The following SNTA1 variants were observed in gnomAD, a reference collection of about 807,000 sequenced individuals.
SNTA1 encodes syntrophin alpha 1, also known as alpha-1-syntrophin.
SNTA1 carries 31 observed loss-of-function variants against 47.1 expected under a neutral mutation model. The ratio of observed to expected loss-of-function variants is 0.66; its 90% CI spans 0.49 to 0.89. The LOEUF (loss-of-function observed/expected upper bound fraction) is 0.89. Ranked by LOEUF, SNTA1 falls within the 40% of genes least tolerant of loss-of-function variation. SNTA1 has a pLI of 0.00. For synonymous variants in SNTA1, 300 were observed against 313.6 expected, an observed-to-expected ratio of 0.96 and a Z score of 0.46; for missense variants, 575 against 693.0, an observed-to-expected ratio of 0.83 and a Z score of 1.91.
intron 3 of SNTA1, among the ~76,000 whole-genome samples, chr20:33,414,245 C>CAAAAAAAAAAAAAAAAAAA (rs56186098): frequency 7.9e-4 from 23 of 29,238 alleles, no homozygotes; most frequent in South Asian, 1.7e-3. Context: ...TCTCAAAAAC[C>CAAAAAAAAAAAAAAAAAAA]AAAAAAAAAA....
intron 3 of SNTA1, 53 bp downstream of exon 3, chr20:33,417,666 C>T (rs1989907815): frequency 3.8e-6 from 5 of 1,328,748 alleles, no homozygotes; most frequent in Non-Finnish European, 5.4e-6. Flanking sequence ...TTGGTCCCAC[C>T]ACCTGACGCC....
intron 5 of SNTA1, among the ~76,000 whole-genome samples, chr20:33,410,901 C>CTTG (rs1989724043): frequency 6.6e-6 from 1 of 152,178 alleles, no homozygotes; most frequent in Non-Finnish European, 1.5e-5. Flanking sequence ...GCTCAGTAAA[C>CTTG]TTTTGTTGCC....
chr20:33,443,262 G>A (rs1316392182), intron 1 of SNTA1, 49 bp downstream of exon 1: 2 of 1,418,082 alleles, frequency 1.4e-6, no homozygotes, highest in Non-Finnish European at 1.9e-6. Flanking sequence ...CTGCGCCCTC[G>A]GCTGCCCCCA....
chr20:33,439,100 A>G, intron 1 of SNTA1, 74 bp from the exon 2 acceptor site: 1 of 1,344,620 alleles, frequency 7.4e-7, no homozygotes, highest in Middle Eastern at 1.8e-4. Flanking sequence ...AGACACAATT[A>G]TTTCTGAAGG....
intron 2 of SNTA1, among the ~76,000 whole-genome samples, chr20:33,419,661 A>G (rs1989971412): frequency 6.6e-6 from 1 of 152,100 alleles, no homozygotes; most frequent in South Asian, 2.1e-4. Context: ...GCCAAAAACC[A>G]TCTCCCCTCT....
rs114492263 is a variant in SNTA1, at chr20:33,413,703, C to T, written c.702-921G>A. 7.5e-3 allele frequency among the ~76,000 whole-genome samples: 1,124 copies of T among 149,156 alleles called. 10 individuals carry two copies. The highest frequency in any genetic ancestry group is 0.026 in the African/African-American group (1,061 of 40,476). Reference sequence around the variant, plus strand: ...AGAACTTCGGGAGACTGAGCCAGGACGATGGCTTGAGCCCAGGAGTTCGAG... The same window carrying T: ...AGAACTTCGGGAGACTGAGCCAGGATGATGGCTTGAGCCCAGGAGTTCGAG... On this transcript the variant is annotated intron_variant, in intron 3 of 7. Transcript: ENST00000217381.
chr20:33,421,171 C>CAAA (rs779903198), intron 2 of SNTA1, among the ~76,000 whole-genome samples: 1 of 127,572 alleles, frequency 7.8e-6, no homozygotes. Flanking sequence ...TACCCTGTCT[C>CAAA]AAAAAAAAAA....
intron 2 of SNTA1, among the ~76,000 whole-genome samples, chr20:33,423,124 A>C (rs1017859560): frequency 1.3e-5 from 2 of 152,206 alleles, no homozygotes; most frequent in African/African-American, 4.8e-5. Context: ...TTGAAGCCAG[A>C]GAAACTGCCA....
chr20:33,418,475 C>A (rs1568751793), intron 2 of SNTA1, among the ~76,000 whole-genome samples: 1 of 151,972 alleles, frequency 6.6e-6, no homozygotes, highest in African/African-American at 2.4e-5. Flanking sequence ...AACTCCTAGA[C>A]AGTGTATACA....
Position 33,412,265 on chromosome 20 carries a change from G to A in SNTA1, c.1040+31C>T, listed in dbSNP as rs372924716. ...CTGGAGCATCTCCTGGCAAGTTCTG[G>A]GGGAGACATACTGCCCCTGCCTGTG... On this transcript the variant is annotated intron_variant, in intron 5 of 7. Coordinates refer to ENST00000217381, the MANE Select transcript of SNTA1 (RefSeq NM_003098.3). 18 of 1,600,914 alleles carry A rather than the reference G, an allele frequency of 1.1e-5. No homozygotes were observed. The African/African-American group carries it at 2.1e-4, about 19-fold the overall frequency.
chr20:33,412,613 T>A lies in SNTA1; in HGVS notation c.871A>T (p.Ser291Cys). Reference sequence around the variant, plus strand: ...CAGCCAATCTGCTTGATGTCCTGGCTCCCAGCTGTGCTGGTGGCTGCCAAC... The same window carrying A: ...CAGCCAATCTGCTTGATGTCCTGGCACCCAGCTGTGCTGGTGGCTGCCAAC... ...ALLAATSTAGSQDIKQIGWLT... is the reference protein window; with the variant it reads ...ALLAATSTAGCQDIKQIGWLT... Residue 291 changes from serine (S) to cysteine (C), a missense_variant, in exon 4 of 8, where the codon AGC becomes TGC. Coordinates refer to ENST00000217381, the MANE Select transcript of SNTA1 (RefSeq NM_003098.3). 6.2e-7 allele frequency: 1 copy of A among 1,613,894 alleles called. No homozygotes were observed. Among genetic ancestry groups the A allele is most frequent in the Non-Finnish European group, 8.5e-7 (1 of 1,179,998 alleles).
intron 2 of SNTA1, among the ~76,000 whole-genome samples, chr20:33,426,809 G>T (rs566952860): frequency 6.6e-6 from 1 of 151,948 alleles, no homozygotes; most frequent in East Asian, 1.9e-4. Flanking sequence ...GCTCACACCT[G>T]TGAGCACTTT....
Position 33,408,585 on chromosome 20 carries a change from G to A in SNTA1, c.1440C>T (p.His480=), listed in dbSNP as rs201485963. 4.3e-6 allele frequency: 7 copies of A among 1,614,116 alleles called. No homozygotes were observed. The highest frequency in any genetic ancestry group is 3.3e-5 in the Admixed American group (2 of 60,024). The part of the protein sequence containing the change: ...GAEGEIQLDL[H]SCPKTIVFII... ...TGAAGACTATGGTTTTGGGACACGA[G>A]TGCAGGTCCAGCTGCTGGAGGGTGG... The change falls in exon 8 of 8, where the codon CAC becomes CAT. Residue 480 remains histidine, a synonymous_variant. Coordinates refer to ENST00000217381, the MANE Select transcript of SNTA1 (RefSeq NM_003098.3).
At chr20:33,416,042 G>A (rs916746258) in intron 3 of SNTA1, among the ~76,000 whole-genome samples, 17 of 151,654 alleles carry the variant, frequency 1.1e-4, no homozygotes, top group Non-Finnish European at 2.5e-4. Flanking sequence ...CGGGAGAAGG[G>A]GACCGCAGTG....
At chr20:33,433,213 A>G (rs1990353270) in intron 2 of SNTA1, among the ~76,000 whole-genome samples, 1 of 151,032 alleles carries the variant, frequency 6.6e-6, no homozygotes, top group South Asian at 2.1e-4. Context: ...TACAGGCGTG[A>G]GCCACCTTGC....
chr20:33,425,091 A>G (rs1272656703), intron 2 of SNTA1, among the ~76,000 whole-genome samples: 1 of 151,182 alleles, frequency 6.6e-6, no homozygotes, highest in Non-Finnish European at 1.5e-5. Context: ...ACTCCACCCT[A>G]GGTGACAGAG....
intron 2 of SNTA1, among the ~76,000 whole-genome samples, chr20:33,427,964 G>A (rs984673499): frequency 6.6e-6 from 1 of 151,826 alleles, no homozygotes; most frequent in African/African-American, 2.4e-5. Flanking sequence ...GTCCAAGCTG[G>A]AGTGCAGTGG....
At chr20:33,424,638 C>T (rs944306772) in intron 2 of SNTA1, among the ~76,000 whole-genome samples, 6 of 151,884 alleles carry the variant, frequency 4.0e-5, no homozygotes, top group East Asian at 2.0e-4. Flanking sequence ...CTCAGCCTTC[C>T]GAGTAGCTGG....
intron 2 of SNTA1, among the ~76,000 whole-genome samples, chr20:33,427,462 G>A (rs184598810): frequency 6.6e-6 from 1 of 152,266 alleles, no homozygotes; most frequent in Non-Finnish European, 1.5e-5. Context: ...TTAAGGTCTT[G>A]CTGGTCTAGC....
Sources: gnomAD v4.1 joint callset for allele counts (sites outside exome capture counted in the v4.1 genomes callset) on GRCh38, gnomAD v4.1.1 for gene constraint, MANE v1.5 for transcripts, NCBI Gene and HGNC (gene_info 2026-07-23, HGNC 2026-07-21) for gene names.